G6PC3: variants seen among roughly 807,000 people sequenced by gnomAD.
G6PC3 encodes the protein glucose-6-phosphatase 3.
A neutral mutation model predicts 38.6 loss-of-function variants in G6PC3; 30 were observed. That is an observed-to-expected ratio of 0.78 (90% CI 0.58 to 1.05). The LOEUF (loss-of-function observed/expected upper bound fraction) is 1.05, where lower values mean the gene tolerates loss of function less well. Among genes scored for constraint, G6PC3 ranks in the 50% least tolerant of loss-of-function variants. The pLI is 0.00. For synonymous variants in G6PC3, 192 were observed against 178.1 expected (o/e 1.08, Z -0.62); for missense variants, 377 against 443.1 (o/e 0.85, Z 1.34).
Position 44,070,820 on chromosome 17 carries a change from C to A in G6PC3, c.-146C>A, listed in dbSNP as rs1567967357. ...TGCAGGAGCGGGGGACTGCTGGGGGCGGGGCTTGGTGGTGACCGCTGGCGG... is the reference window on the plus strand; with the variant it reads ...TGCAGGAGCGGGGGACTGCTGGGGGAGGGGCTTGGTGGTGACCGCTGGCGG... On this transcript the variant is annotated 5_prime_UTR_variant, in exon 1 of 6. Coordinates refer to ENST00000269097, the MANE Select transcript of G6PC3 (RefSeq NM_138387.4). 1.2e-6 allele frequency: 1 copy of A among 819,494 alleles called. No homozygotes were observed. The highest frequency in any genetic ancestry group is 2.0e-6 in the Non-Finnish European group (1 of 508,812). 50.8% of individuals were successfully genotyped at this position (819,494 alleles called of 1,614,324 possible). A position where few individuals can be genotyped will look rare whatever the true frequency, so the allele number is the denominator to read the frequency against.
rs898738327 is a variant in G6PC3 at position 44,070,806 on chromosome 17, G to A, written c.-160G>A. 1 of 765,020 alleles carries A rather than the reference G, an allele frequency of 1.3e-6. No homozygotes were observed. Among genetic ancestry groups the A allele is most frequent in the African/African-American group, 1.7e-5 (1 of 58,448 alleles). 47.4% of individuals were successfully genotyped at this position (765,020 alleles called of 1,614,324 possible). ...CTGGAGGCCGGTCTTGCAGGAGCGG[G>A]GGACTGCTGGGGGCGGGGCTTGGTG... On this transcript the variant is annotated 5_prime_UTR_variant, in exon 1 of 6. Transcript: ENST00000269097.
rs1199480670 is a variant in G6PC3, at chr17:44,070,736, G to C, written c.-230G>C. On this transcript the variant is annotated 5_prime_UTR_variant, in exon 1 of 6. Coordinates refer to ENST00000269097, the MANE Select transcript of G6PC3 (RefSeq NM_138387.4). ...AAAGGTTTGTCCCCTGCGCTGCCCAGTAGGGAGGAAAACCGGAGGAGAGCG... is the reference window on the plus strand; with the variant it reads ...AAAGGTTTGTCCCCTGCGCTGCCCACTAGGGAGGAAAACCGGAGGAGAGCG... 3 of 614,132 alleles carry C rather than the reference G, an allele frequency of 4.9e-6. No individual in the cohort carries two copies. Among genetic ancestry groups the C allele is most frequent in the Non-Finnish European group, 8.8e-6 (3 of 340,712 alleles). The allele number at this position is 614,132 out of a possible 1,614,324, so 38.0% of individuals were successfully genotyped here.
Position 44,070,874 on chromosome 17 carries a change from C to T in G6PC3, c.-92C>T, listed in dbSNP as rs1054013559. On this transcript the variant is annotated 5_prime_UTR_variant, in exon 1 of 6. Coordinates refer to ENST00000269097, the MANE Select transcript of G6PC3 (RefSeq NM_138387.4). ...GGGGCCTGGGGCTCAGAGGGGTGGG[C>T]TTTGGAGATCAGAGGGTCGACGCTG... is the stretch of plus-strand genomic sequence containing the variant. The T allele has an allele frequency of 3.3e-5, 48 of 1,434,624 alleles. No individual in the cohort carries two copies. Among genetic ancestry groups the T allele is most frequent in the Non-Finnish European group, 4.5e-5 (47 of 1,055,998 alleles). The allele number at this position is 1,434,624 out of a possible 1,614,324, so 88.9% of individuals were successfully genotyped here. A position where few individuals can be genotyped will look rare whatever the true frequency, so the allele number is the denominator to read the frequency against.
Position 44,075,371 on chromosome 17 carries a change from T to C in G6PC3, c.597T>C (p.Tyr199=). 6.2e-7 allele frequency: 1 copy of C among 1,614,178 alleles called. No individual in the cohort carries two copies. The highest frequency in any genetic ancestry group is 1.1e-5 in the South Asian group (1 of 91,080). ...RVPMERELSF[Y]GLTALALMLG... is the part of the protein sequence containing the mutation. ...CTATGGAGCGGGAGCTAAGCTTCTA[T>C]GGGTTGACTGCACTGGCCCTCATGC... is the stretch of plus-strand genomic sequence containing the variant. Residue 199 remains tyrosine, a synonymous_variant, in exon 5 of 6, where the codon TAT becomes TAC. Coordinates refer to ENST00000269097, the MANE Select transcript of G6PC3 (RefSeq NM_138387.4).
chr17:44,073,932 G>T (rs1410010656), intron 1 of G6PC3: 5 of 544,146 alleles, frequency 9.2e-6, no homozygotes, highest in Non-Finnish European at 1.7e-5. Flanking sequence ...CACAGGCTGA[G>T]GGTTAGGAAA....
In G6PC3 at chr17:44,076,007, C is replaced by G. The variant is rs781059301; in HGVS notation, c.1005C>G (p.Phe335Leu). Residue 335 changes from phenylalanine (F) to leucine (L), a missense_variant, in exon 6 of 6, where the codon TTC becomes TTG. Coordinates refer to ENST00000269097, the MANE Select transcript of G6PC3 (RefSeq NM_138387.4). Reference protein sequence around the residue: ...LALVPWAVHMFSAQEAPPIHS... With the variant: ...LALVPWAVHMLSAQEAPPIHS... ...TCGTGCCCTGGGCAGTGCACATGTT[C>G]AGTGCCCAGGAAGCACCGCCCATCC... 2 of 1,613,150 alleles carry G rather than the reference C, an allele frequency of 1.2e-6. No individual in the cohort carries two copies. The highest frequency in any genetic ancestry group is 1.7e-6 in the Non-Finnish European group (2 of 1,180,024).
intron 5 of G6PC3, 105 bp downstream of exon 5, chr17:44,075,556 C>T: frequency 1.3e-6 from 2 of 1,597,250 alleles, no homozygotes; most frequent in Non-Finnish European, 1.7e-6. Flanking sequence ...GACACATTAC[C>T]TATTCACATA....
At position 44,071,411 on chromosome 17, in the gene G6PC3, A is replaced by C. The variant is rs1047730835; in HGVS notation, c.218+228A>C. ...TTCTTCAAACTGGTCTGATGGAAAA[A>C]TCACCTAAGGGGCGTGTCTAAAATG... On this transcript the variant is annotated intron_variant, in intron 1 of 5. Coordinates refer to ENST00000269097, the MANE Select transcript of G6PC3 (RefSeq NM_138387.4). The C allele has an allele frequency of 1.8e-5, 13 of 733,050 alleles. No homozygotes were observed. The African/African-American group carries it at 1.8e-4, about 10-fold the overall frequency. 45.4% of individuals were successfully genotyped at this position (733,050 alleles called of 1,614,324 possible). A position where few individuals can be genotyped will look rare whatever the true frequency, so the allele number is the denominator to read the frequency against.
intron 1 of G6PC3, chr17:44,071,812 G>C: frequency 2.2e-6 from 1 of 457,970 alleles, no homozygotes; most frequent in South Asian, 1.6e-5. Context: ...AGGTTCCCAG[G>C]TGATTCCCTG....
rs532495022 is a variant in G6PC3, at chr17:44,076,170, G to C, written c.*127G>C. On this transcript the variant is annotated 3_prime_UTR_variant, in exon 6 of 6. Coordinates refer to ENST00000269097, the MANE Select transcript of G6PC3 (RefSeq NM_138387.4). The stretch of plus-strand genomic sequence containing the variant: ...CCCTCCCCTCCCTAAATCTGCTTCC[G>C]CACCACCTGGTCTTAGCCCCAAAGA... 1 of 1,248,952 alleles carries C rather than the reference G, an allele frequency of 8.0e-7. No individual in the cohort carries two copies. The highest frequency in any genetic ancestry group is 1.5e-5 in the African/African-American group (1 of 67,754). 77.4% of individuals were successfully genotyped at this position (1,248,952 alleles called of 1,614,324 possible). A position where few individuals can be genotyped will look rare whatever the true frequency, so the allele number is the denominator to read the frequency against.
Position 44,070,814 on chromosome 17 carries a change from TG to T in G6PC3, c.-147del. On this transcript the variant is annotated 5_prime_UTR_variant, in exon 1 of 6. Coordinates refer to ENST00000269097, the MANE Select transcript of G6PC3 (RefSeq NM_138387.4). Reference sequence around the variant, plus strand: ...CGGTCTTGCAGGAGCGGGGGACTGCTGGGGGCGGGGCTTGGTGGTGACCGCT... The same window carrying T: ...CGGTCTTGCAGGAGCGGGGGACTGCTGGGGCGGGGCTTGGTGGTGACCGCT... The T allele has an allele frequency of 1.3e-6, 1 of 780,322 alleles. No homozygotes were observed. The highest frequency in any genetic ancestry group is 2.1e-6 in the Non-Finnish European group (1 of 477,756). 48.3% of individuals were successfully genotyped at this position (780,322 alleles called of 1,614,324 possible).
Position 44,075,053 on chromosome 17 carries a change from T to C in G6PC3, c.501T>C (p.His167=), listed in dbSNP as rs1171555721. ...VGLSRIFILA[H]FPHQVLAGLI... is the part of the protein sequence containing the mutation. ...TGTCGCGAATCTTCATCTTAGCACA[T>C]TTCCCTCACCAGGTGCTGGCTGGCC... The change falls in exon 4 of 6, where the codon CAT becomes CAC. Residue 167 remains histidine (H), a synonymous_variant. Coordinates refer to ENST00000269097, the MANE Select transcript of G6PC3 (RefSeq NM_138387.4). 2 of 1,614,136 alleles carry C rather than the reference T, an allele frequency of 1.2e-6. No individual in the cohort carries two copies. The highest frequency in any genetic ancestry group is 1.7e-6 in the Non-Finnish European group (2 of 1,179,996).
chr17:44,073,673 G>T (rs972457157), intron 1 of G6PC3: 1 of 184,258 alleles, frequency 5.4e-6, no homozygotes. Flanking sequence ...TGTTGCCCAG[G>T]CTATTCTCGA....
At chr17:44,074,327 G>A (rs1014611686) in intron 2 of G6PC3, 61 bp downstream of exon 2, 1 of 1,343,142 alleles carries the variant, frequency 7.4e-7, no homozygotes, top group East Asian at 2.3e-5. Context: ...GAACATTTCA[G>A]AGTACTTTTC....
chr17:44,073,779 A>G, intron 1 of G6PC3: 1 of 279,004 alleles, frequency 3.6e-6, no homozygotes, highest in South Asian at 3.7e-5. Flanking sequence ...GTTTTTGTTG[A>G]ATCTGGGTCT....
At position 44,076,149 on chromosome 17, in the gene G6PC3, C is replaced by A; in HGVS notation, c.*106C>A. 6.9e-7 allele frequency: 1 copy of A among 1,442,076 alleles called. No individual in the cohort carries two copies. The highest frequency in any genetic ancestry group is 1.1e-5 in the South Asian group (1 of 87,176). The allele number at this position is 1,442,076 out of a possible 1,614,324, so 89.3% of individuals were successfully genotyped here. A position where few individuals can be genotyped will look rare whatever the true frequency, so the allele number is the denominator to read the frequency against. On this transcript the variant is annotated 3_prime_UTR_variant, in exon 6 of 6. Transcript: ENST00000269097. ...CCCTTCCAGCCCCTAAGTAGGCCCTCCCCTCCCTAAATCTGCTTCCGCACC... is the reference window on the plus strand; with the variant it reads ...CCCTTCCAGCCCCTAAGTAGGCCCTACCCTCCCTAAATCTGCTTCCGCACC...
At chr17:44,070,681 C>A (rs1456907351), upstream of G6PC3, 2 of 455,234 alleles carry the variant, frequency 4.4e-6, no homozygotes, top group East Asian at 8.6e-5. Context: ...GCAACAGTGG[C>A]CACGTGGGGC....
Position 44,075,107 on chromosome 17 carries a change from G to C in G6PC3, c.535+20G>C, listed in dbSNP as rs754803145. On this transcript the variant is annotated intron_variant, in intron 4 of 5. Transcript: ENST00000269097. Reference sequence around the variant, plus strand: ...TAACTGGTGAGCAACTGGGGCAACGGGGTGGACTGAGAGGATGCCTTTGGC... The same window carrying C: ...TAACTGGTGAGCAACTGGGGCAACGCGGTGGACTGAGAGGATGCCTTTGGC... The C allele has an allele frequency of 3.1e-6, 5 of 1,589,456 alleles. No individual in the cohort carries two copies. Among genetic ancestry groups the C allele is most frequent in the Non-Finnish European group, 4.3e-6 (5 of 1,157,532 alleles).
Position 44,076,300 on chromosome 17 carries a change from G to A in G6PC3, c.*257G>A. The stretch of plus-strand genomic sequence containing the variant: ...GACCAGCGGGTTCTTGCAACACTGT[G>A]AGGGGCAGCCAGGGCGGCCCCAATA... On this transcript the variant is annotated 3_prime_UTR_variant, in exon 6 of 6. Coordinates refer to ENST00000269097, the MANE Select transcript of G6PC3 (RefSeq NM_138387.4). 1 of 682,962 alleles carries A rather than the reference G, an allele frequency of 1.5e-6. No homozygotes were observed. Among genetic ancestry groups the A allele is most frequent in the South Asian group, 1.5e-5 (1 of 67,386 alleles). 42.3% of individuals were successfully genotyped at this position (682,962 alleles called of 1,614,324 possible). A position where few individuals can be genotyped will look rare whatever the true frequency, so the allele number is the denominator to read the frequency against.
Sources: allele counts gnomAD v4.1 joint callset, GRCh38; gene constraint gnomAD v4.1.1; transcripts MANE v1.5; gene names NCBI Gene and HGNC (gene_info 2026-07-23, HGNC 2026-07-21).